APP: variants seen among roughly 807,000 people sequenced by gnomAD.
The protein encoded by APP is amyloid-beta precursor protein.
A neutral mutation model predicts 101.4 loss-of-function variants in APP; 31 were observed. The observed-to-expected ratio is 0.31, with a 90% CI of 0.23 to 0.41. APP has a LOEUF of 0.41. Among genes scored for constraint, APP ranks in the 10% least tolerant of loss-of-function variants. The probability of loss-of-function intolerance (pLI) is 1.00; values close to 1 mark genes in which losing one functional copy is unlikely to be tolerated. For synonymous variants in APP, 366 were observed against 364.4 expected (o/e 1.00, Z -0.05); for missense variants, 839 against 1,003.7 (o/e 0.84, Z 2.22).
intron 11 of APP, among the ~76,000 whole-genome samples, chr21:25,956,736 G>C (rs1193857560): frequency 6.6e-6 from 1 of 152,140 alleles, no homozygotes; most frequent in Non-Finnish European, 1.5e-5. Flanking sequence ...GTGGTGGGGC[G>C]GGTGGTAATG....
intron 15 of APP, among the ~76,000 whole-genome samples, chr21:25,899,007 A>G (rs1412248252): frequency 6.6e-6 from 1 of 152,254 alleles, no homozygotes; most frequent in Non-Finnish European, 1.5e-5. Context: ...GACAAAACCT[A>G]GGAAATCCAC....
intron 1 of APP, among the ~76,000 whole-genome samples, chr21:26,118,137 G>C (rs1434587652): frequency 6.6e-6 from 1 of 152,202 alleles, no homozygotes. Context: ...AAGAAGGCCA[G>C]TAAGTCATGC....
chr21:25,918,767 C>A (rs1027948210), intron 13 of APP, among the ~76,000 whole-genome samples: 2 of 150,888 alleles, frequency 1.3e-5, no homozygotes, highest in African/African-American at 4.9e-5. Flanking sequence ...GCACAGCAGT[C>A]TGAGATCAAA....
At chr21:25,909,409 A>C (rs2038955062) in intron 14 of APP, among the ~76,000 whole-genome samples, 1 of 152,216 alleles carries the variant, frequency 6.6e-6, no homozygotes, top group Non-Finnish European at 1.5e-5. Flanking sequence ...TTGCCTCCCA[A>C]AATTGTTATA....
At chr21:26,036,047 AC>A (rs1239400155) in intron 5 of APP, among the ~76,000 whole-genome samples, 1 of 152,146 alleles carries the variant, frequency 6.6e-6, no homozygotes, top group African/African-American at 2.4e-5. Context: ...CTATGAAATA[AC>A]TAGGTAGAGT....
intron 11 of APP, among the ~76,000 whole-genome samples, chr21:25,970,854 G>A (rs128647): frequency 0.091 from 13,774 of 152,040 alleles, 985 homozygotes; most frequent in African/African-American, 0.19. Context: ...GGCTCCTCAT[G>A]GCTTTCTGTG....
chr21:26,163,273 C>T, intron 1 of APP, among the ~76,000 whole-genome samples: 1 of 130,066 alleles, frequency 7.7e-6, no homozygotes, highest in East Asian at 2.2e-4. Context: ...AAAAAATCAC[C>T]AAAAAACAAA....
intron 13 of APP, chr21:25,942,310 A>C (rs1017702309): frequency 1.3e-5 from 2 of 152,228 alleles, no homozygotes; most frequent in African/African-American, 4.8e-5. Flanking sequence ...CTGGACACAG[A>C]GACACTGGAA....
intron 5 of APP, among the ~76,000 whole-genome samples, chr21:26,036,528 A>C (rs1276320387): frequency 6.6e-6 from 1 of 152,120 alleles, no homozygotes; most frequent in Non-Finnish European, 1.5e-5. Flanking sequence ...TGGGCAGGTA[A>C]AGGGGTTATG....
chr21:25,903,910 C>T (rs775923745), intron 15 of APP, among the ~76,000 whole-genome samples: 2 of 152,196 alleles, frequency 1.3e-5, no homozygotes, highest in Non-Finnish European at 2.9e-5. Flanking sequence ...ATGCCACAGG[C>T]AGACTCTCAG....
At chr21:26,122,721 A>AT (rs1229555098) in intron 1 of APP, among the ~76,000 whole-genome samples, 4 of 146,908 alleles carry the variant, frequency 2.7e-5, no homozygotes, top group African/African-American at 7.3e-5. Flanking sequence ...TTTTAATAAA[A>AT]TTTTTTATTA....
chr21:26,015,728 T>G (rs934313878), intron 6 of APP, among the ~76,000 whole-genome samples: 2 of 152,146 alleles, frequency 1.3e-5, no homozygotes, highest in Admixed American at 6.5e-5. Context: ...ATCAACTTGA[T>G]ATGGCAGTAT....
chr21:26,041,180 C>T (rs1005209603), intron 5 of APP, among the ~76,000 whole-genome samples: 1 of 152,160 alleles, frequency 6.6e-6, no homozygotes, highest in Non-Finnish European at 1.5e-5. Context: ...CCACATGGCT[C>T]CCAAGTAAAG....
At chr21:25,975,811 A>G (rs1400412795) in intron 10 of APP, 143 bp downstream of exon 10, 11 of 715,838 alleles carry the variant, frequency 1.5e-5, no homozygotes, top group South Asian at 9.1e-5. Flanking sequence ...CTCAATTACT[A>G]GACAATGATT....
At chr21:25,930,723 A>G (rs1357102358) in intron 13 of APP, among the ~76,000 whole-genome samples, 1 of 152,220 alleles carries the variant, frequency 6.6e-6, no homozygotes, top group Non-Finnish European at 1.5e-5. Flanking sequence ...AAACCCTGTA[A>G]GCACTTCTGC....
At chr21:25,970,834 G>C (rs2042005391) in intron 11 of APP, among the ~76,000 whole-genome samples, 1 of 152,042 alleles carries the variant, frequency 6.6e-6, no homozygotes, top group East Asian at 1.9e-4. Flanking sequence ...AATGCCACGA[G>C]CTCTTTAACG....
intron 14 of APP, among the ~76,000 whole-genome samples, chr21:25,909,825 G>A (rs1185629939): frequency 6.6e-6 from 1 of 152,080 alleles, no homozygotes; most frequent in African/African-American, 2.4e-5. Flanking sequence ...CAGTTTTCCA[G>A]GTCTTTGATA....
At chr21:26,024,769 G>A (rs1027253088) in intron 5 of APP, among the ~76,000 whole-genome samples, 5 of 151,864 alleles carry the variant, frequency 3.3e-5, no homozygotes, top group African/African-American at 1.2e-4. Context: ...TATAAAGGGC[G>A]TTTATAAAAG....
chr21:25,999,821 G>A (rs1207100190), intron 7 of APP, among the ~76,000 whole-genome samples, 194 bp downstream of exon 7: 1 of 152,182 alleles, frequency 6.6e-6, no homozygotes, highest in Non-Finnish European at 1.5e-5. Context: ...TGCTTTATCA[G>A]GGAAAGACGG....
Sources: allele counts gnomAD v4.1 joint callset (sites outside exome capture counted in the v4.1 genomes callset), GRCh38; gene constraint gnomAD v4.1.1; transcripts MANE v1.5; gene names NCBI Gene and HGNC (gene_info 2026-07-23, HGNC 2026-07-21).